The following CNFN variants were observed in gnomAD, a reference collection of about 807,000 sequenced individuals.
CNFN encodes cornefied envelope protein cornefilin.
A neutral mutation model predicts 14.9 loss-of-function variants in CNFN; 10 were observed. The ratio of observed to expected loss-of-function variants is 0.67; its 90% CI spans 0.41 to 1.14. The LOEUF is 1.14. Among genes scored for constraint, CNFN ranks in the 50% most tolerant of loss-of-function variants. CNFN has a pLI of 0.00. For synonymous variants in CNFN, 66 were observed against 60.0 expected (o/e 1.10, Z -0.46); for missense variants, 165 against 152.8 (o/e 1.08, Z -0.42).
intron 2 of CNFN, among the ~76,000 whole-genome samples, chr19:42,388,489 G>A (rs2039873074): frequency 6.6e-6 from 1 of 152,022 alleles, no homozygotes; most frequent in Non-Finnish European, 1.5e-5. Flanking sequence ...CACTGCGCCC[G>A]ACCTATTTTT....
rs910371336 is a variant in CNFN, at chr19:42,387,465, T to A, written c.124A>T (p.Thr42Ser). The A allele has an allele frequency of 1.3e-6, 2 of 1,585,496 alleles. No individual in the cohort carries two copies. Among genetic ancestry groups the A allele is most frequent in the East Asian group, 2.3e-5 (1 of 43,184 alleles). ...CNDMPVCLCG[T>S]FAPLCLACRI... Reference sequence around the variant, plus strand: ...CAGGCAAGGCACAGAGGAGCAAAAGTGCCGCACAGACCTGGGCGGGGCGCA... The same window carrying A: ...CAGGCAAGGCACAGAGGAGCAAAAGAGCCGCACAGACCTGGGCGGGGCGCA... The change falls in exon 3 of 4, where the codon ACT (threonine) becomes TCT (serine). Residue 42 changes from threonine (T) to serine (S), a missense_variant. By Grantham distance (58) the Thr-to-Ser change is moderately conservative (BLOSUM62 1). Transcript: ENST00000222032.
intron 1 of CNFN, chr19:42,389,389 G>C: frequency 9.6e-7 from 1 of 1,041,582 alleles, no homozygotes; most frequent in Non-Finnish European, 1.3e-6. Context: ...CCTCTGGGGT[G>C]GAAGCAGGCG....
At position 42,388,951 on chromosome 19, in the gene CNFN, C is replaced by T. The variant is rs752854433; in HGVS notation, c.87G>A (p.Thr29=). The T allele has an allele frequency of 3.7e-6, 6 of 1,613,590 alleles. No homozygotes were observed. The highest frequency in any genetic ancestry group is 3.3e-5 in the Admixed American group (2 of 60,004). The change falls in exon 2 of 4, where the codon ACG becomes ACA. Residue 29 remains threonine, a synonymous_variant. Transcript: ENST00000222032. ...AGACAGGCATGTCGTTGCAGCAGTC[C>T]GTGAGACCTGTGTGCCAGTCACTGA... ...TQLSDWHTGL[T]DCCNDMPVCL... is the part of the protein sequence containing the mutation.
At chr19:42,389,487 A>T in intron 1 of CNFN, 1 of 1,290,996 alleles carries the variant, frequency 7.7e-7, no homozygotes, top group South Asian at 1.2e-5. Context: ...CAGCGGTCCC[A>T]CCTTTGCCTT....
intron 1 of CNFN, chr19:42,389,481 G>C (rs772880164): frequency 7.7e-7 from 1 of 1,291,264 alleles, no homozygotes; most frequent in South Asian, 1.2e-5. Flanking sequence ...TCCACCCAGC[G>C]GTCCCACCTT....
chr19:42,388,485 G>A (rs139907679), intron 2 of CNFN, among the ~76,000 whole-genome samples: 11 of 152,022 alleles, frequency 7.2e-5, no homozygotes, highest in Non-Finnish European at 1.6e-4. Flanking sequence ...GAGCCACTGC[G>A]CCCGACCTAT....
In CNFN at chr19:42,387,414, A is replaced by T. The variant is rs780347450; in HGVS notation, c.175T>A (p.Cys59Ser). The T allele has an allele frequency of 1.9e-6, 3 of 1,602,162 alleles. No individual in the cohort carries two copies. Among genetic ancestry groups the T allele is most frequent in the East Asian group, 4.5e-5 (2 of 44,224 alleles). ...ACRISDDFGE[C>S]CCAPYLPGGL... ...CCGGGCAGGTAGGGCGCGCAGCAGC[A>T]CTCGCCAAAGTCGTCGGAGATGCGG... The change falls in exon 3 of 4, where the codon TGC (cysteine) becomes AGC (serine). Residue 59 changes from cysteine to serine, a missense_variant. By Grantham distance (112) the Cys-to-Ser change is moderately radical. Coordinates refer to ENST00000222032, the MANE Select transcript of CNFN (RefSeq NM_032488.4).
chr19:42,389,461 G>A, intron 1 of CNFN: 1 of 1,292,174 alleles, frequency 7.7e-7, no homozygotes, highest in Non-Finnish European at 1.0e-6. Context: ...AGTACTGAGA[G>A]GGTTGCTGGT....
chr19:42,387,386 C>A lies in CNFN; in HGVS notation c.203G>T (p.Gly68Val). Residue 68 changes from glycine to valine, a missense_variant, in exon 3 of 4, where the codon GGC (glycine) becomes GTC (valine). Physicochemically the swap from Gly to Val is moderately radical, Grantham distance 109 (BLOSUM62 -3). Transcript: ENST00000222032. ...ECCCAPYLPG[G>V]LHSIRTGMRE... is the part of the protein sequence containing the mutation. ...CATGCCGGTGCGGATGGAGTGCAGG[C>A]CTCCGGGCAGGTAGGGCGCGCAGCA... 1 of 1,600,862 alleles carries A rather than the reference C, an allele frequency of 6.2e-7. No individual in the cohort carries two copies. The highest frequency in any genetic ancestry group is 8.5e-7 in the Non-Finnish European group (1 of 1,175,204).
At chr19:42,389,124 G>T in intron 1 of CNFN, 85 bp from the exon 2 acceptor site, 2 of 1,053,916 alleles carry the variant, frequency 1.9e-6, no homozygotes, top group South Asian at 1.4e-5. Flanking sequence ...CCCTGTGCCG[G>T]GCAGTCTGGG....
chr19:42,390,065 C>T (rs2039886825), intron 1 of CNFN, among the ~76,000 whole-genome samples, 175 bp downstream of exon 1: 1 of 152,214 alleles, frequency 6.6e-6, no homozygotes, highest in African/African-American at 2.4e-5. Flanking sequence ...CAGCTCAGCA[C>T]ACCCCAGTTA....
At chr19:42,387,995 C>A (rs372646044) in intron 2 of CNFN, among the ~76,000 whole-genome samples, 2,339 of 35,552 alleles carry the variant, frequency 0.066, 76 homozygotes, top group African/African-American at 0.17. Context: ...AAACAAAAAA[C>A]AAAACAAAAA....
At chr19:42,387,717 T>C (rs2039865178) in intron 2 of CNFN, among the ~76,000 whole-genome samples, 1 of 148,748 alleles carries the variant, frequency 6.7e-6, no homozygotes. Context: ...TGCAGTGGCT[T>C]ACGCCTGTAA....
chr19:42,387,529 C>T lies in CNFN; in HGVS notation c.113-53G>A, dbSNP rs1013658881. 13 of 1,434,730 alleles carry T rather than the reference C, an allele frequency of 9.1e-6. No individual in the cohort carries two copies. The Admixed American group carries it at 2.5e-4, about 27-fold the overall frequency. The allele number at this position is 1,434,730 out of a possible 1,614,324, so 88.9% of individuals were successfully genotyped here. Reference sequence around the variant, plus strand: ...GGGGCCAGCCGGGGCCTCCCGACGGCTCCGCCCCGGGGGGGGCGCGGTTGA... The same window carrying T: ...GGGGCCAGCCGGGGCCTCCCGACGGTTCCGCCCCGGGGGGGGCGCGGTTGA... On this transcript the variant is annotated intron_variant, in intron 2 of 3. Coordinates refer to ENST00000222032, the MANE Select transcript of CNFN (RefSeq NM_032488.4).
intron 1 of CNFN, chr19:42,389,643 G>A (rs1458190208): frequency 4.8e-6 from 3 of 630,588 alleles, no homozygotes; most frequent in South Asian, 3.4e-5. Flanking sequence ...CTGGGGCACT[G>A]GGGGCTGGGC....
intron 2 of CNFN, among the ~76,000 whole-genome samples, chr19:42,387,896 C>A (rs1288730256): frequency 6.8e-6 from 1 of 147,456 alleles, no homozygotes; most frequent in Non-Finnish European, 1.5e-5. Context: ...AGGAGAATCG[C>A]TTGAACCCGG....
At position 42,387,449 on chromosome 19, in the gene CNFN, C is replaced by T. The variant is rs775289453; in HGVS notation, c.140G>A (p.Cys47Tyr). The T allele has an allele frequency of 3.1e-6, 5 of 1,593,920 alleles. No homozygotes were observed. The highest frequency in any genetic ancestry group is 1.3e-5 in the African/African-American group (1 of 74,444). Reference protein sequence around the residue: ...VCLCGTFAPLCLACRISDDFG... With the variant: ...VCLCGTFAPLYLACRISDDFG... ...GTCGTCGGAGATGCGGCAGGCAAGG[C>T]ACAGAGGAGCAAAAGTGCCGCACAG... The change falls in exon 3 of 4, where the codon TGC (cysteine) becomes TAC (tyrosine). Residue 47 changes from cysteine (C) to tyrosine (Y), a missense_variant. By Grantham distance (194) the Cys-to-Tyr change is radical (BLOSUM62 -2). Transcript: ENST00000222032.
intron 2 of CNFN, among the ~76,000 whole-genome samples, chr19:42,387,999 A>C (rs529807851): frequency 0.017 from 2,386 of 142,294 alleles, 92 homozygotes; most frequent in African/African-American, 0.054. Context: ...AAAAAACAAA[A>C]CAAAAAAAAA....
chr19:42,388,144 C>G (rs539314639), intron 2 of CNFN, among the ~76,000 whole-genome samples: 1 of 152,090 alleles, frequency 6.6e-6, no homozygotes, highest in South Asian at 2.1e-4. Context: ...GCCTCGGCCT[C>G]CCGAGTAGCT....
Sources: allele counts gnomAD v4.1 joint callset (sites outside exome capture counted in the v4.1 genomes callset), GRCh38; gene constraint gnomAD v4.1.1; transcripts MANE v1.5; gene names NCBI Gene and HGNC (gene_info 2026-07-23, HGNC 2026-07-21).